The following PRR13 variants were observed in gnomAD, a reference collection of about 807,000 sequenced individuals.
The protein encoded by PRR13 is proline-rich protein 13.
Under a neutral mutation model 11.5 loss-of-function variants are expected in PRR13, and 7 were observed. The observed-to-expected ratio is 0.61, with a 90% CI of 0.34 to 1.14. The LOEUF is 1.14. Ranked by LOEUF, PRR13 falls within the 50% of genes most tolerant of loss-of-function variation. The pLI is 0.03. For missense variants in PRR13, 155 were observed against 194.4 expected, an observed-to-expected ratio of 0.80 and a Z score of 1.21; for synonymous variants, 53 against 67.8, an observed-to-expected ratio of 0.78 and a Z score of 1.07.
intron 2 of PRR13, chr12:53,442,963 T>G: frequency 2.3e-6 from 1 of 440,106 alleles, no homozygotes; most frequent in Non-Finnish European, 4.0e-6. Flanking sequence ...TTCAAGCGAT[T>G]CTCCTGTTTC....
chr12:53,446,196 G>A lies in PRR13; in HGVS notation c.*137G>A. ...TCCACCTGAGCCTCACCCTGCTGTTGAGCCCTGAGTGGCTAGGGGAAATGG... is the reference window on the plus strand; with the variant it reads ...TCCACCTGAGCCTCACCCTGCTGTTAAGCCCTGAGTGGCTAGGGGAAATGG... On this transcript the variant is annotated 3_prime_UTR_variant, in exon 4 of 4. Coordinates refer to ENST00000429243, the MANE Select transcript of PRR13 (RefSeq NM_018457.4). The A allele has an allele frequency of 6.8e-7, 1 of 1,467,726 alleles. No individual in the cohort carries two copies. Among genetic ancestry groups the A allele is most frequent in the Non-Finnish European group, 9.1e-7 (1 of 1,097,810 alleles). The allele number at this position is 1,467,726 out of a possible 1,614,324, so 90.9% of individuals were successfully genotyped here. A position where few individuals can be genotyped will look rare whatever the true frequency, so the allele number is the denominator to read the frequency against.
At chr12:53,443,994 T>G (rs1024349027) in intron 3 of PRR13, 2 of 641,360 alleles carry the variant, frequency 3.1e-6, no homozygotes, top group Admixed American at 3.1e-5. Context: ...GGAGTTAGGG[T>G]GAGCCTTAGA....
intron 3 of PRR13, among the ~76,000 whole-genome samples, chr12:53,444,484 C>G (rs993290320): frequency 6.6e-6 from 1 of 152,128 alleles, no homozygotes; most frequent in Non-Finnish European, 1.5e-5. Flanking sequence ...CGCCCGCCAC[C>G]GCGCCCGGCT....
At chr12:53,442,238 ATTTCT>A (rs537828619) in intron 1 of PRR13, 267 of 232,580 alleles carry the variant, frequency 1.1e-3, no homozygotes, top group South Asian at 3.7e-3. Context: ...GGAAAGAGAC[ATTTCT>A]TTTCTTTTCT....
At chr12:53,444,436 TCTC>T (rs1308594989) in intron 3 of PRR13, among the ~76,000 whole-genome samples, 1 of 151,778 alleles carries the variant, frequency 6.6e-6, no homozygotes, top group East Asian at 2.0e-4. Flanking sequence ...TTCACGCCAT[TCTC>T]CTGCCTCAGC....
In PRR13 at chr12:53,442,502, C is replaced by T. The variant is rs553847357; in HGVS notation, c.-20-193C>T. 6 of 505,948 alleles carry T rather than the reference C, an allele frequency of 1.2e-5. No individual in the cohort carries two copies. The East Asian group carries it at 2.2e-4, about 19-fold the overall frequency. 31.3% of individuals were successfully genotyped at this position (505,948 alleles called of 1,614,324 possible). ...TCGTGATCCACCCGCCTCGGCCTCC[C>T]AAAGTGCTGGGATTACAGGCGTGAG... On this transcript the variant is annotated intron_variant, in intron 1 of 3. Transcript: ENST00000429243.
chr12:53,444,834 A>G (rs1285081318), intron 3 of PRR13, among the ~76,000 whole-genome samples: 3 of 151,262 alleles, frequency 2.0e-5, no homozygotes, highest in African/African-American at 7.3e-5. Flanking sequence ...GGAGGCAGAG[A>G]TGGCAGTGAG....
rs1312386867 is a variant in PRR13, at chr12:53,443,488, C to T, written c.117C>T (p.Gly39=). 3.4e-6 allele frequency: 5 copies of T among 1,460,438 alleles called. No homozygotes were observed. Among genetic ancestry groups the T allele is most frequent in the South Asian group, 2.8e-5 (2 of 71,106 alleles). 90.5% of individuals were successfully genotyped at this position (1,460,438 alleles called of 1,614,324 possible). The part of the protein sequence containing the change: ...PPPINPPFPP[G]PCPPPPGAPH... ...CTATTAATCCACCCTTTCCCCCAGG[C>T]CCCTGTCCTCCTCCCCCAGGAGCTC... The change falls in exon 3 of 4, where the codon GGC becomes GGT. Residue 39 remains glycine, a synonymous_variant. Coordinates refer to ENST00000429243, the MANE Select transcript of PRR13 (RefSeq NM_018457.4).
chr12:53,444,068 C>T (rs1489565350), intron 3 of PRR13: 12 of 463,806 alleles, frequency 2.6e-5, no homozygotes, highest in East Asian at 2.5e-4. Context: ...TTGCTCCCCT[C>T]CCGCCAGGTG....
intron 2 of PRR13, 103 bp downstream of exon 2, chr12:53,442,836 G>A (rs1048728994): frequency 7.9e-6 from 10 of 1,259,562 alleles, no homozygotes; most frequent in African/African-American, 7.5e-5. Flanking sequence ...TGCTGTACCC[G>A]CAAAAGCAAA....
rs746379565 is a variant in PRR13 at position 53,446,009 on chromosome 12, T to TTTCCCCC, written c.403-5_403-4insTCCCCCT. 15 of 1,608,014 alleles carry TTTCCCCC rather than the reference T, an allele frequency of 9.3e-6. No homozygotes were observed. The highest frequency in any genetic ancestry group is 1.7e-5 in the Admixed American group (1 of 59,328). ...CTTCTTTCCCCTTTCCCCTTTCCCC[T>TTTCCCCC]TGCAGCATTCCTCCTCTTCCTCCTC... On this transcript the variant is annotated splice_polypyrimidine_tract_variant and splice_region_variant and intron_variant, in intron 3 of 3. Coordinates refer to ENST00000429243, the MANE Select transcript of PRR13 (RefSeq NM_018457.4).
At chr12:53,441,963 C>A (rs568733926) in intron 1 of PRR13, 171 bp downstream of exon 1, 4 of 619,440 alleles carry the variant, frequency 6.5e-6, no homozygotes, top group South Asian at 1.9e-5. Context: ...CTTCTTACTT[C>A]GCCTCGAGGC....
intron 1 of PRR13, 186 bp downstream of exon 1, chr12:53,441,978 C>A: frequency 3.3e-6 from 2 of 611,362 alleles, no homozygotes; most frequent in South Asian, 2.0e-5. Flanking sequence ...CGAGGCGTAT[C>A]CTTTTTTTAG....
chr12:53,445,346 T>TAAAA (rs4020479), intron 3 of PRR13, among the ~76,000 whole-genome samples: 1 of 106,638 alleles, frequency 9.4e-6, no homozygotes, highest in African/African-American at 3.0e-5. Flanking sequence ...AAACTCCGTC[T>TAAAA]AAAAAAAAAA....
At chr12:53,444,620 C>CA (rs1940366688) in intron 3 of PRR13, among the ~76,000 whole-genome samples, 1 of 152,230 alleles carries the variant, frequency 6.6e-6, no homozygotes, top group African/African-American at 2.4e-5. Flanking sequence ...TGAGCCACTG[C>CA]ACCCAGCCCT....
In PRR13 at chr12:53,441,749, A is replaced by G; in HGVS notation, c.-64A>G. On this transcript the variant is annotated 5_prime_UTR_variant, in exon 1 of 4. Transcript: ENST00000429243. ...GGGTCTGGGTGACTAGGAAGAGCCG[A>G]GACTGCGAAGGAGAACGCAGCAAGC... is the stretch of plus-strand genomic sequence containing the variant. The G allele has an allele frequency of 1.4e-6, 1 of 701,768 alleles. No homozygotes were observed. Among genetic ancestry groups the G allele is most frequent in the Non-Finnish European group, 2.6e-6 (1 of 384,700 alleles). 43.5% of individuals were successfully genotyped at this position (701,768 alleles called of 1,614,324 possible).
intron 1 of PRR13, 133 bp from the exon 2 acceptor site, chr12:53,442,562 T>C (rs1272160664): frequency 2.7e-6 from 2 of 739,776 alleles, no homozygotes; most frequent in Non-Finnish European, 4.7e-6. Flanking sequence ...ACATTTCTTA[T>C]GTGGAAGTTG....
chr12:53,445,312 C>T (rs540971119), intron 3 of PRR13, among the ~76,000 whole-genome samples: 2 of 146,724 alleles, frequency 1.4e-5, no homozygotes, highest in Admixed American at 7.0e-5. Flanking sequence ...CATGCCATTG[C>T]ACTCCAGCCT....
intron 3 of PRR13, 53 bp from the exon 4 acceptor site, chr12:53,445,962 G>C: frequency 6.2e-7 from 1 of 1,613,514 alleles, no homozygotes; most frequent in Non-Finnish European, 8.5e-7. Flanking sequence ...AGTGATGAAA[G>C]GTCATTTGGA....
Sources: allele counts gnomAD v4.1 joint callset (sites outside exome capture counted in the v4.1 genomes callset), GRCh38; gene constraint gnomAD v4.1.1; transcripts MANE v1.5; gene names NCBI Gene and HGNC (gene_info 2026-07-23, HGNC 2026-07-21).